The following TUSC3 variants were observed in gnomAD, a reference collection of about 807,000 sequenced individuals.
TUSC3 encodes tumor suppressor candidate 3.
A neutral mutation model predicts 44.8 loss-of-function variants in TUSC3; 45 were observed. That is an observed-to-expected ratio of 1.00 (90% CI 0.79 to 1.29). The LOEUF (loss-of-function observed/expected upper bound fraction) is 1.29. TUSC3 is among the 50% of genes most tolerant of loss of function. TUSC3 has a pLI of 0.00. For synonymous variants in TUSC3, 212 were observed against 152.9 expected, an observed-to-expected ratio of 1.39 and a Z score of -2.85; for missense variants, 519 against 437.9, an observed-to-expected ratio of 1.19 and a Z score of -1.65.
At chr8:15,704,416 T>G (rs183489461) in intron 6 of TUSC3, among the ~76,000 whole-genome samples, 2 of 152,166 alleles carry the variant, frequency 1.3e-5, no homozygotes, top group East Asian at 3.9e-4. Context: ...TTGTAAACTC[T>G]GTTAGGGACC....
the TUSC3 span, among the ~76,000 whole-genome samples, chr8:15,776,612 G>A: frequency 6.6e-6 from 1 of 152,012 alleles, no homozygotes; most frequent in East Asian, 1.9e-4. Context: ...TAGCACTTCT[G>A]TGCTAGATCC....
chr8:15,715,747 GA>G (rs200110596), intron 6 of TUSC3, among the ~76,000 whole-genome samples: 1 of 149,376 alleles, frequency 6.7e-6, no homozygotes, highest in African/African-American at 2.5e-5. Context: ...CTCTATTTTA[GA>G]AAAAAAAATG....
At chr8:15,813,120 G>GA in the TUSC3 span, among the ~76,000 whole-genome samples, 1 of 151,822 alleles carries the variant, frequency 6.6e-6, no homozygotes, top group East Asian at 1.9e-4. Context: ...AATAAGAAAG[G>GA]AAAAAATGCT....
intron 2 of TUSC3, among the ~76,000 whole-genome samples, chr8:15,626,482 G>T (rs1805514907): frequency 6.6e-6 from 1 of 152,236 alleles, no homozygotes; most frequent in Admixed American, 6.5e-5. Flanking sequence ...CCAAGTCATG[G>T]CTGTGGACCA....
chr8:15,462,064 C>A (rs1800353719), intron 1 of TUSC3, among the ~76,000 whole-genome samples: 1 of 151,992 alleles, frequency 6.6e-6, no homozygotes, highest in Non-Finnish European at 1.5e-5. Context: ...AAATATCAAT[C>A]ATTCTTTAAT....
chr8:15,733,317 T>A lies in TUSC3; in HGVS notation c.862+2588T>A, dbSNP rs1434449485. The A allele has an allele frequency of 1.9e-5, 7 of 374,442 alleles. No homozygotes were observed. In the East Asian group the frequency reaches 5.8e-4, roughly 31 times the overall value. 23.2% of individuals were successfully genotyped at this position (374,442 alleles called of 1,614,324 possible). A position where few individuals can be genotyped will look rare whatever the true frequency, so the allele number is the denominator to read the frequency against. ...AAAGCATTTGTTGCAGGTAAGTTTT[T>A]AACTCATTTATTTAAATATTATAGC... On this transcript the variant is annotated intron_variant, in intron 7 of 10. Transcript: ENST00000503731.
intron 1 of TUSC3, among the ~76,000 whole-genome samples, chr8:15,550,168 C>T (rs1290340932): frequency 6.6e-6 from 1 of 151,696 alleles, no homozygotes; most frequent in Admixed American, 6.6e-5. Flanking sequence ...CGTTCTTTAA[C>T]TACCAGGCCC....
chr8:15,582,093 T>G (rs1397478276), intron 1 of TUSC3, among the ~76,000 whole-genome samples: 4 of 151,536 alleles, frequency 2.6e-5, no homozygotes, highest in Non-Finnish European at 5.9e-5. Flanking sequence ...TGTCACCCCT[T>G]TCTTTGACTC....
Position 15,725,852 on chromosome 8 carries a change from C to T in TUSC3, c.799-4814C>T, listed in dbSNP as rs190474722. Among the ~76,000 whole-genome samples, 25 of 152,234 alleles carry T rather than the reference C, an allele frequency of 1.6e-4. No individual in the cohort carries two copies. The East Asian group carries it at 3.7e-3, about 22-fold the overall frequency. The stretch of plus-strand genomic sequence containing the variant: ...ATAAAGTACTGCACTACATTGTTTC[C>T]TTCATGCTGTCAGTTTCCAATTTGC... On this transcript the variant is annotated intron_variant, in intron 6 of 10. Transcript: ENST00000503731.
intron 5 of TUSC3, among the ~76,000 whole-genome samples, chr8:15,671,998 A>C (rs1001412871): frequency 3.3e-5 from 5 of 152,012 alleles, no homozygotes; most frequent in African/African-American, 1.2e-4. Context: ...AGTAAAATAA[A>C]CTGGAAAGGT....
chr8:15,705,063 C>T (rs1004747174), intron 6 of TUSC3, among the ~76,000 whole-genome samples: 2 of 149,228 alleles, frequency 1.3e-5, no homozygotes, highest in African/African-American at 4.9e-5. Context: ...TTATTTATGT[C>T]TTTGTATTTT....
At chr8:15,736,243 C>T (rs1563197386) in intron 7 of TUSC3, among the ~76,000 whole-genome samples, 1 of 152,126 alleles carries the variant, frequency 6.6e-6, no homozygotes. Flanking sequence ...CAACAAATGA[C>T]AGTGCAAATA....
At chr8:15,629,579 T>G (rs1429994215) in intron 2 of TUSC3, among the ~76,000 whole-genome samples, 1 of 146,058 alleles carries the variant, frequency 6.8e-6, no homozygotes, top group Non-Finnish European at 1.5e-5. Flanking sequence ...TTCACGTGAA[T>G]TACTCCTCCT....
In TUSC3 at chr8:15,764,199, T is replaced by G. The variant is rs1344279773; in HGVS notation, c.*47-4T>G. 2 of 1,605,258 alleles carry G rather than the reference T, an allele frequency of 1.2e-6. No homozygotes were observed. The highest frequency in any genetic ancestry group is 1.7e-5 in the Admixed American group (1 of 59,680). ...AGCACATAATAATTTTCTTTCTTTTTCAGCTTTTTAATTAAATGAAGCCAA... is the reference window on the plus strand; with the variant it reads ...AGCACATAATAATTTTCTTTCTTTTGCAGCTTTTTAATTAAATGAAGCCAA... On this transcript the variant is annotated splice_polypyrimidine_tract_variant and splice_region_variant and intron_variant, in intron 10 of 10. Coordinates refer to ENST00000503731, the MANE Select transcript of TUSC3 (RefSeq NM_006765.4).
At chr8:15,417,548 C>T (rs747541313) in intron 1 of TUSC3, among the ~76,000 whole-genome samples, 19 of 152,142 alleles carry the variant, frequency 1.2e-4, no homozygotes, top group Non-Finnish European at 2.4e-4. Flanking sequence ...GGTCATATGA[C>T]GGCAAGTCAC....
the TUSC3 span, among the ~76,000 whole-genome samples, chr8:15,804,444 G>C: frequency 5.3e-5 from 8 of 152,048 alleles, no homozygotes; most frequent in African/African-American, 1.9e-4. Flanking sequence ...TTTTCTTCTA[G>C]GATTTTCATA....
intron 6 of TUSC3, among the ~76,000 whole-genome samples, chr8:15,726,812 C>G (rs1034068208): frequency 1.3e-5 from 2 of 151,844 alleles, no homozygotes; most frequent in Non-Finnish European, 2.9e-5. Context: ...GTCTCAAAAA[C>G]AAAAGAAAAA....
intron 1 of TUSC3, among the ~76,000 whole-genome samples, chr8:15,465,903 C>T (rs545689105): frequency 1.3e-5 from 2 of 152,286 alleles, no homozygotes; most frequent in African/African-American, 4.8e-5. Context: ...TCACAATCAA[C>T]TTAGCGGTCC....
intron 6 of TUSC3, among the ~76,000 whole-genome samples, chr8:15,719,516 C>CCACACACACACA: frequency 6.2e-5 from 1 of 16,194 alleles, no homozygotes; most frequent in South Asian, 1.0e-3. Context: ...CACACACACA[C>CCACACACACACA]CACACACACA....
Sources: gnomAD v4.1 joint callset for allele counts (sites outside exome capture counted in the v4.1 genomes callset) on GRCh38, gnomAD v4.1.1 for gene constraint, MANE v1.5 for transcripts, NCBI Gene and HGNC (gene_info 2026-07-23, HGNC 2026-07-21) for gene names.